FOXK2: variants seen among roughly 807,000 people sequenced by gnomAD.
The protein encoded by FOXK2 is forkhead box protein K2.
A neutral mutation model predicts 53.3 loss-of-function variants in FOXK2; 24 were observed. The observed-to-expected ratio is 0.45, with a 90% CI of 0.33 to 0.63. The LOEUF (loss-of-function observed/expected upper bound fraction) is 0.63. Ranked by LOEUF, FOXK2 falls within the 30% of genes least tolerant of loss-of-function variation. The probability of loss-of-function intolerance (pLI) is 0.03; values close to 1 mark genes in which losing one functional copy is unlikely to be tolerated. For synonymous variants in FOXK2, 505 were observed against 407.1 expected (o/e 1.24, Z -2.89); for missense variants, 952 against 910.5 (o/e 1.05, Z -0.59).
At chr17:82,595,932 A>G (rs2045305467) in intron 8 of FOXK2, 3 of 1,263,962 alleles carry the variant, frequency 2.4e-6, no homozygotes, top group African/African-American at 1.5e-5. Flanking sequence ...ATGAGAAACG[A>G]CAGGTGGAAG....
intron 1 of FOXK2, among the ~76,000 whole-genome samples, chr17:82,536,319 G>C (rs1003455058): frequency 5.9e-5 from 9 of 152,128 alleles, no homozygotes. Context: ...CTGTTTCTTT[G>C]TGTGCCTTGT....
At chr17:82,539,634 C>G (rs908292703) in intron 1 of FOXK2, among the ~76,000 whole-genome samples, 2 of 144,906 alleles carry the variant, frequency 1.4e-5, no homozygotes, top group Non-Finnish European at 3.0e-5. Flanking sequence ...GGGTAACACT[C>G]GAGACCTTGT....
At chr17:82,550,952 T>C (rs867590404) in intron 1 of FOXK2, among the ~76,000 whole-genome samples, 5 of 152,214 alleles carry the variant, frequency 3.3e-5, no homozygotes, top group African/African-American at 9.6e-5. Context: ...AGATGACACT[T>C]GCAAGCCAGT....
chr17:82,553,845 T>A (rs2044699137), intron 1 of FOXK2, among the ~76,000 whole-genome samples: 1 of 152,054 alleles, frequency 6.6e-6, no homozygotes, highest in African/African-American at 2.4e-5. Flanking sequence ...CTTTTTTTTT[T>A]ATTTCCCGAG....
intron 1 of FOXK2, among the ~76,000 whole-genome samples, chr17:82,546,477 T>C (rs1358900907): frequency 1.3e-5 from 2 of 151,648 alleles, no homozygotes; most frequent in African/African-American, 4.8e-5. Context: ...TCGGTGCAGC[T>C]CGCCTTGTAA....
intron 8 of FOXK2, among the ~76,000 whole-genome samples, chr17:82,592,557 C>G (rs767104712): frequency 1.3e-5 from 2 of 152,252 alleles, no homozygotes; most frequent in African/African-American, 2.4e-5. Flanking sequence ...GCTGCTTCAC[C>G]CTGCGACATT....
intron 7 of FOXK2, 37 bp from the exon 8 acceptor site, chr17:82,587,026 A>G: frequency 6.3e-7 from 1 of 1,588,248 alleles, no homozygotes; most frequent in Middle Eastern, 1.7e-4. Context: ...TTTGCTTTCC[A>G]GTAATATTAA....
chr17:82,528,330 GA>G (rs985658980), intron 1 of FOXK2, among the ~76,000 whole-genome samples: 1 of 152,084 alleles, frequency 6.6e-6, no homozygotes, highest in Non-Finnish European at 1.5e-5. Context: ...GATTTTTTTG[GA>G]AAATGAAGAA....
intron 1 of FOXK2, among the ~76,000 whole-genome samples, chr17:82,558,450 C>T (rs62078131): frequency 0.045 from 6,895 of 152,310 alleles, 175 homozygotes; most frequent in African/African-American, 0.06. Flanking sequence ...CGTAACTCTA[C>T]GGAGAAGTAC....
chr17:82,542,021 C>T (rs2044579144), intron 1 of FOXK2, among the ~76,000 whole-genome samples: 1 of 151,832 alleles, frequency 6.6e-6, no homozygotes, highest in Non-Finnish European at 1.5e-5. Context: ...GCTGGGATTA[C>T]AGGCATGCAC....
intron 1 of FOXK2, chr17:82,559,484 T>C: frequency 2.2e-6 from 1 of 456,336 alleles, no homozygotes; most frequent in Non-Finnish European, 4.4e-6. Context: ...TAGGCTGGTA[T>C]GAGAGGGTGG....
intron 1 of FOXK2, among the ~76,000 whole-genome samples, chr17:82,541,700 A>G (rs1030059966): frequency 1.3e-5 from 2 of 151,882 alleles, no homozygotes; most frequent in South Asian, 4.1e-4. Context: ...ACCTGTTTCA[A>G]GAGGTAGGAA....
At chr17:82,529,514 T>C (rs1215512984) in intron 1 of FOXK2, among the ~76,000 whole-genome samples, 1 of 151,946 alleles carries the variant, frequency 6.6e-6, no homozygotes, top group African/African-American at 2.4e-5. Flanking sequence ...CTTAGCCTCC[T>C]GAGTACCTGG....
At chr17:82,588,498 GGC>G (rs2045219891) in intron 8 of FOXK2, 1 of 161,010 alleles carries the variant, frequency 6.2e-6, no homozygotes, top group Non-Finnish European at 1.4e-5. Flanking sequence ...TTGGAGGGCA[GGC>G]GGTTGGCTTT....
chr17:82,563,317 C>T, intron 1 of FOXK2, 37 bp from the exon 2 acceptor site: 2 of 1,589,764 alleles, frequency 1.3e-6, no homozygotes, highest in Non-Finnish European at 1.7e-6. Flanking sequence ...CCGGCTGGAA[C>T]AGCAAAAGGT....
At chr17:82,533,396 A>G (rs986694279) in intron 1 of FOXK2, among the ~76,000 whole-genome samples, 4 of 151,898 alleles carry the variant, frequency 2.6e-5, no homozygotes, top group Non-Finnish European at 2.9e-5. Context: ...AGGCTGAGGC[A>G]GGAGAATTGC....
intron 1 of FOXK2, among the ~76,000 whole-genome samples, chr17:82,553,835 CTTTTT>C (rs557049053): frequency 6.7e-6 from 1 of 149,112 alleles, no homozygotes; most frequent in Non-Finnish European, 1.5e-5. Context: ...CTTTCAAGTA[CTTTTT>C]TTTTTATTTC....
chr17:82,528,464 A>G (rs937390591), intron 1 of FOXK2, among the ~76,000 whole-genome samples: 2 of 152,094 alleles, frequency 1.3e-5, no homozygotes, highest in Non-Finnish European at 2.9e-5. Context: ...TTTTGGAGCA[A>G]TTTATAATAT....
chr17:82,553,747 G>GC (rs989167304), intron 1 of FOXK2, among the ~76,000 whole-genome samples: 18 of 152,230 alleles, frequency 1.2e-4, no homozygotes, highest in Non-Finnish European at 2.6e-4. Flanking sequence ...CACAGCAGTT[G>GC]CGCCTGTGGT....
Sources: allele counts gnomAD v4.1 joint callset (sites outside exome capture counted in the v4.1 genomes callset), GRCh38; gene constraint gnomAD v4.1.1; transcripts MANE v1.5; gene names NCBI Gene and HGNC (gene_info 2026-07-23, HGNC 2026-07-21).